Variants in OPTN observed in about 807,000 individuals in gnomAD.
The protein encoded by OPTN is optineurin.
In OPTN, 54 loss-of-function variants were observed where a neutral mutation model predicts 70.4. That is an observed-to-expected ratio of 0.77 (90% confidence interval 0.62 to 0.96). OPTN has a LOEUF of 0.96. OPTN is among the 40% of genes least tolerant of loss of function. The pLI, the probability that OPTN is intolerant of heterozygous loss-of-function variation, is 0.00. For missense variants in OPTN, 624 were observed against 673.2 expected (o/e 0.93, Z 0.81); for synonymous variants, 256 against 248.5 (o/e 1.03, Z -0.28).
At chr10:13,107,376 AC>A (rs1832888377) in intron 1 of OPTN, among the ~76,000 whole-genome samples, 1 of 147,020 alleles carries the variant, frequency 6.8e-6, no homozygotes, top group Non-Finnish European at 1.5e-5. Flanking sequence ...CTCTCAAAAA[AC>A]CAAAACAGTC....
chr10:13,125,324 A>G, intron 9 of OPTN, 94 bp from the exon 10 acceptor site: 1 of 1,387,290 alleles, frequency 7.2e-7, no homozygotes, highest in Non-Finnish European at 1.0e-6. Flanking sequence ...CAGCCCTAAA[A>G]TTCTTATATT....
chr10:13,110,568 C>T (rs1832975202), intron 4 of OPTN, 92 bp downstream of exon 4: 1 of 1,262,456 alleles, frequency 7.9e-7, no homozygotes, highest in South Asian at 1.3e-5. Context: ...AGATCAAAAC[C>T]TTTCATGGTT....
At chr10:13,121,389 A>G (rs922421793) in intron 7 of OPTN, among the ~76,000 whole-genome samples, 2 of 151,598 alleles carry the variant, frequency 1.3e-5, no homozygotes, top group Non-Finnish European at 2.9e-5. Context: ...GTATCCCCAA[A>G]TGATTTGGGG....
intron 8 of OPTN, chr10:13,123,233 A>G (rs925174909): frequency 6.5e-6 from 1 of 152,854 alleles, no homozygotes; most frequent in African/African-American, 2.4e-5. Flanking sequence ...TTGTCTGGTA[A>G]TTGAGAGAGG....
At position 13,118,918 on chromosome 10, in the gene OPTN, A is replaced by C; in HGVS notation, c.657A>C (p.Ala219=). ...TGTCTAAATATAGGAGCAGATCTGC[A>C]GATGGGGCCAAGAATTACTTCGAAC... The part of the protein sequence containing the change: ...TALSKYRSRS[A]DGAKNYFEHE... The change falls in exon 7 of 15, where the codon GCA becomes GCC. Residue 219 remains alanine, a synonymous_variant. Transcript: ENST00000378747. The C allele has an allele frequency of 6.2e-7, 1 of 1,614,166 alleles. No homozygotes were observed. Among genetic ancestry groups the C allele is most frequent in the South Asian group, 1.1e-5 (1 of 91,088 alleles).
At position 13,136,954 on chromosome 10, in the gene OPTN, C is replaced by T; in HGVS notation, c.*88C>T. On this transcript the variant is annotated 3_prime_UTR_variant, in exon 15 of 15. Coordinates refer to ENST00000378747, the MANE Select transcript of OPTN (RefSeq NM_001008212.2). ...TGCTTTTGTGTTATTTGTTTTCACT[C>T]AAATATTTTGCCTCATTATTCTTGT... 1 of 1,556,148 alleles carries T rather than the reference C, an allele frequency of 6.4e-7. No individual in the cohort carries two copies. Among genetic ancestry groups the T allele is most frequent in the Non-Finnish European group, 8.8e-7 (1 of 1,132,718 alleles).
chr10:13,115,628 A>T (rs1250929866), intron 5 of OPTN, among the ~76,000 whole-genome samples: 1 of 137,148 alleles, frequency 7.3e-6, no homozygotes, highest in Non-Finnish European at 1.5e-5. Flanking sequence ...CTATATCTAA[A>T]TATCTAAATA....
intron 12 of OPTN, among the ~76,000 whole-genome samples, chr10:13,129,134 C>T (rs147765887): frequency 2.0e-5 from 3 of 152,198 alleles, no homozygotes; most frequent in Non-Finnish European, 4.4e-5. Context: ...TGGCTTTTGT[C>T]TATAGAAAAT....
intron 5 of OPTN, among the ~76,000 whole-genome samples, chr10:13,115,268 TATAATGAATACATATA>T: frequency 3.7e-5 from 4 of 107,688 alleles, no homozygotes; most frequent in African/African-American, 1.5e-4. Flanking sequence ...TCTATATTTA[TATAATGAATACATATA>T]ATATATTCTA....
chr10:13,124,058 G>T lies in OPTN; in HGVS notation c.946G>T (p.Ala316Ser). ...VTSLFKELQE[A>S]HTKLSEAELM... is the part of the protein sequence containing the mutation. ...ATCTCTGTTTAAGGAGCTTCAAGAGGCTCATACAAAACTCAGCGAAGCTGA... is the reference window on the plus strand; with the variant it reads ...ATCTCTGTTTAAGGAGCTTCAAGAGTCTCATACAAAACTCAGCGAAGCTGA... The change falls in exon 9 of 15, where the codon GCT becomes TCT. Residue 316 changes from alanine to serine, a missense_variant. By Grantham distance (99) the Ala-to-Ser change is moderately conservative. Transcript: ENST00000378747. 1.2e-6 allele frequency: 2 copies of T among 1,613,898 alleles called. No individual in the cohort carries two copies. The highest frequency in any genetic ancestry group is 1.7e-6 in the Non-Finnish European group (2 of 1,179,870).
intron 14 of OPTN, among the ~76,000 whole-genome samples, chr10:13,134,461 C>T (rs1438328197): frequency 2.6e-5 from 4 of 151,950 alleles, no homozygotes; most frequent in Non-Finnish European, 5.9e-5. Flanking sequence ...GAGACAGGGT[C>T]CCACTCTCTT....
At chr10:13,136,596 C>A in intron 14 of OPTN, 149 bp from the exon 15 acceptor site, 1 of 780,110 alleles carries the variant, frequency 1.3e-6, no homozygotes, top group Non-Finnish European at 2.1e-6. Flanking sequence ...GTGATGACTT[C>A]AGTTAAAGAC....
chr10:13,113,047 A>C (rs1833043630), intron 5 of OPTN, among the ~76,000 whole-genome samples: 1 of 152,090 alleles, frequency 6.6e-6, no homozygotes, highest in Non-Finnish European at 1.5e-5. Context: ...TTTGAGACAG[A>C]GTCTTACTCT....
chr10:13,113,843 A>G (rs1167694219), intron 5 of OPTN, among the ~76,000 whole-genome samples: 1 of 152,090 alleles, frequency 6.6e-6, no homozygotes, highest in Non-Finnish European at 1.5e-5. Flanking sequence ...GGATCCCTTG[A>G]GCCCAGGAGT....
chr10:13,125,945 G>C lies in OPTN; in HGVS notation c.1149-1G>C, dbSNP rs1489844500. ...CCATTTTTTAATATCTTTTTTAATA[G>C]GTCCAAATTAACTGTGCTACAGATG... On this transcript the variant is annotated splice_acceptor_variant, in intron 10 of 14. Transcript: ENST00000378747. LOFTEE classifies it high-confidence loss of function. The C allele has an allele frequency of 1.3e-6, 2 of 1,598,288 alleles. No individual in the cohort carries two copies. Among genetic ancestry groups the C allele is most frequent in the Non-Finnish European group, 1.7e-6 (2 of 1,166,024 alleles).
At chr10:13,110,543 C>A in intron 4 of OPTN, 67 bp downstream of exon 4, 1 of 1,425,452 alleles carries the variant, frequency 7.0e-7, no homozygotes, top group Non-Finnish European at 9.8e-7. Flanking sequence ...TGGAATCTTA[C>A]GTGTCTAGAC....
intron 7 of OPTN, among the ~76,000 whole-genome samples, chr10:13,119,643 A>G (rs1833298437): frequency 6.6e-6 from 1 of 152,214 alleles, no homozygotes; most frequent in Non-Finnish European, 1.5e-5. Flanking sequence ...TTTCCAAAGC[A>G]GCTGCGCCAT....
In OPTN at chr10:13,137,522, C is replaced by T. The variant is rs1833724945; in HGVS notation, c.*656C>T. The T allele has an allele frequency of 4.4e-6, 1 of 229,114 alleles. No homozygotes were observed. Among genetic ancestry groups the T allele is most frequent in the Admixed American group, 5.6e-5 (1 of 17,748 alleles). The allele number at this position is 229,114 out of a possible 1,614,324, so 14.2% of individuals were successfully genotyped here. The stretch of plus-strand genomic sequence containing the variant: ...AGTTCATGTAATTAGATGGAAGAAA[C>T]CTCACTGATTAATTTTAAGAACCTT... On this transcript the variant is annotated 3_prime_UTR_variant, in exon 15 of 15. Transcript: ENST00000378747.
At chr10:13,104,265 T>C (rs1015971548) in intron 1 of OPTN, among the ~76,000 whole-genome samples, 1 of 137,398 alleles carries the variant, frequency 7.3e-6, no homozygotes, top group African/African-American at 2.7e-5. Context: ...TTTTTTTTTT[T>C]TTTTTTTTTT....
Sources: gnomAD v4.1 joint callset for allele counts (sites outside exome capture counted in the v4.1 genomes callset) on GRCh38, gnomAD v4.1.1 for gene constraint, MANE v1.5 for transcripts, NCBI Gene and HGNC (gene_info 2026-07-23, HGNC 2026-07-21) for gene names.